Variants in NIPAL4 observed in about 807,000 individuals in gnomAD.
The protein encoded by NIPAL4 is magnesium transporter NIPA4.
In NIPAL4, 21 loss-of-function variants were observed where a neutral mutation model predicts 31.6. The observed-to-expected ratio is 0.67, with a 90% confidence interval of 0.47 to 0.96. The LOEUF (loss-of-function observed/expected upper bound fraction) is 0.96, where lower values mean the gene tolerates loss of function less well. Ranked by LOEUF, NIPAL4 falls within the 40% of genes least tolerant of loss-of-function variation. NIPAL4 has a pLI of 0.00. For missense variants in NIPAL4, 438 were observed against 508.0 expected (o/e 0.86, Z 1.32); for synonymous variants, 175 against 211.1 (o/e 0.83, Z 1.48).
At chr5:157,462,931 G>A (rs553773602) in intron 1 of NIPAL4, among the ~76,000 whole-genome samples, 163 bp from the exon 2 acceptor site, 6 of 152,188 alleles carry the variant, frequency 3.9e-5, no homozygotes, top group Admixed American at 1.3e-4. Flanking sequence ...CCTAACTAGC[G>A]TAAGCACTCA....
intron 4 of NIPAL4, 42 bp from the exon 5 acceptor site, chr5:157,471,614 AG>A: frequency 6.5e-7 from 1 of 1,531,268 alleles, no homozygotes; most frequent in Non-Finnish European, 8.9e-7. Flanking sequence ...ACTCTGGGAC[AG>A]GCATGGCTGC....
At chr5:157,461,262 C>T (rs1754097035) in intron 1 of NIPAL4, among the ~76,000 whole-genome samples, 1 of 152,248 alleles carries the variant, frequency 6.6e-6, no homozygotes, top group Non-Finnish European at 1.5e-5. Flanking sequence ...CTAGCATATT[C>T]TGGAAGAGAT....
chr5:157,470,020 A>G (rs1435524783), intron 4 of NIPAL4, among the ~76,000 whole-genome samples: 2 of 152,172 alleles, frequency 1.3e-5, no homozygotes, highest in African/African-American at 4.8e-5. Context: ...TGAATGGGAC[A>G]TTGCGGCCAA....
intron 2 of NIPAL4, 148 bp from the exon 3 acceptor site, chr5:157,466,901 G>A (rs1754288603): frequency 4.8e-6 from 3 of 629,970 alleles, no homozygotes; most frequent in Non-Finnish European, 8.8e-6. Flanking sequence ...TAAAACTTTA[G>A]GAACAAATGA....
At chr5:157,460,382 A>T in intron 1 of NIPAL4, 25 bp downstream of exon 1, 5 of 1,533,106 alleles carry the variant, frequency 3.3e-6, no homozygotes, top group Non-Finnish European at 4.4e-6. Context: ...GCTGGGGACC[A>T]GGCGGGCTCC....
rs1754282330 is a variant in NIPAL4 at position 157,466,640 on chromosome 5, G to C, written c.278-409G>C. Among the ~76,000 whole-genome samples, 4 of 152,192 alleles carry C rather than the reference G, an allele frequency of 2.6e-5. No individual in the cohort carries two copies. In the South Asian group the frequency reaches 8.3e-4, roughly 32 times the overall value. The stretch of plus-strand genomic sequence containing the variant: ...TCAGGATGGACTGGATGCAGAAGGA[G>C]GGAGAGAAGAGTCAAAGAGCAATTC... On this transcript the variant is annotated intron_variant, in intron 2 of 5. Coordinates refer to ENST00000311946, the MANE Select transcript of NIPAL4 (RefSeq NM_001099287.2).
chr5:157,470,625 G>A (rs190148866), intron 4 of NIPAL4, among the ~76,000 whole-genome samples: 54 of 152,308 alleles, frequency 3.5e-4, no homozygotes, highest in African/African-American at 1.2e-3. Flanking sequence ...CTAAGACATG[G>A]TACCTGTGAT....
At chr5:157,470,796 G>A (rs1357083623) in intron 4 of NIPAL4, among the ~76,000 whole-genome samples, 2 of 152,196 alleles carry the variant, frequency 1.3e-5, no homozygotes, top group African/African-American at 4.8e-5. Context: ...GGCTTGTGAA[G>A]GGGTGGGCTC....
chr5:157,468,115 G>A (rs4704866), intron 3 of NIPAL4: 41,628 of 149,250 alleles, frequency 0.28, 6,455 homozygotes, highest in East Asian at 0.72. Context: ...GGGTTTCTCC[G>A]TGTTGGTCAG....
intron 3 of NIPAL4, 47 bp from the exon 4 acceptor site, chr5:157,468,675 T>A (rs372739195): frequency 9.6e-7 from 1 of 1,040,982 alleles, no homozygotes; most frequent in East Asian, 2.4e-5. Context: ...GGAATGGAGA[T>A]GGTGCTTCTG....
chr5:157,471,634 C>T (rs746365485), intron 4 of NIPAL4, 23 bp from the exon 5 acceptor site: 33 of 1,590,100 alleles, frequency 2.1e-5, no homozygotes, highest in Non-Finnish European at 2.8e-5. Context: ...GCTCTAATCC[C>T]CTTCTCCCAT....
chr5:157,468,901 T>C, intron 4 of NIPAL4, 89 bp downstream of exon 4: 1 of 859,430 alleles, frequency 1.2e-6, no homozygotes, highest in Non-Finnish European at 1.8e-6. Flanking sequence ...GACTGCCACT[T>C]GGCAATCAGG....
intron 2 of NIPAL4, 142 bp downstream of exon 2, chr5:157,463,475 GTTAGGGT>G: frequency 9.5e-7 from 1 of 1,057,324 alleles, no homozygotes; most frequent in Non-Finnish European, 1.3e-6. Context: ...TGCCAACAGG[GTTAGGGT>G]TTAGGGTTAT....
At chr5:157,470,835 A>T (rs1482429334) in intron 4 of NIPAL4, among the ~76,000 whole-genome samples, 1 of 152,244 alleles carries the variant, frequency 6.6e-6, no homozygotes, top group East Asian at 1.9e-4. Context: ...TATAAGCCAA[A>T]GCTGAGAGCC....
At position 157,471,687 on chromosome 5, in the gene NIPAL4, G is replaced by A. The variant is rs1416314854; in HGVS notation, c.456G>A (p.Glu152=). 3.1e-6 allele frequency: 5 copies of A among 1,608,358 alleles called. No individual in the cohort carries two copies. The South Asian group carries it at 3.3e-5, about 11-fold the overall frequency. ...TCCTCTCCTCATATTTCCTGAGGGA[G>A]AGTCTGAACCTGCTGGGGAAGCTGG... ...SAILSSYFLR[E]SLNLLGKLGC... The change falls in exon 5 of 6, where the codon GAG becomes GAA. Residue 152 remains glutamate, a synonymous_variant. Coordinates refer to ENST00000311946, the MANE Select transcript of NIPAL4 (RefSeq NM_001099287.2).
At chr5:157,467,209 GA>G (rs1333730819) in intron 3 of NIPAL4, 104 bp downstream of exon 3, 1 of 818,658 alleles carries the variant, frequency 1.2e-6, no homozygotes, top group African/African-American at 1.7e-5. Flanking sequence ...TGGCAAGTGT[GA>G]ATCTGAGGCC....
chr5:157,462,378 C>T (rs947644253), intron 1 of NIPAL4, among the ~76,000 whole-genome samples: 1 of 152,176 alleles, frequency 6.6e-6, no homozygotes, highest in African/African-American at 2.4e-5. Context: ...TAGGGCCAGG[C>T]ACGGTGGCTC....
Position 157,472,135 on chromosome 5 carries a change from A to T in NIPAL4, c.587-197A>T, listed in dbSNP as rs1754457502. Among the ~76,000 whole-genome samples the T allele has an allele frequency of 2.0e-5, 3 of 152,122 alleles. No individual in the cohort carries two copies. The South Asian group carries it at 6.2e-4, about 32-fold the overall frequency. ...ATCCTATTGTTGGTCCTCTTTTACA[A>T]ATGGGGAAACTGAGTTTTTGGGGGT... On this transcript the variant is annotated intron_variant, in intron 5 of 5. Transcript: ENST00000311946.
intron 2 of NIPAL4, 112 bp from the exon 3 acceptor site, chr5:157,466,937 C>G (rs2113663709): frequency 3.9e-6 from 3 of 773,384 alleles, no homozygotes; most frequent in Non-Finnish European, 6.8e-6. Flanking sequence ...GGCCCAGAAC[C>G]AAGCCTCAAG....
Sources: gnomAD v4.1 joint callset for allele counts (sites outside exome capture counted in the v4.1 genomes callset) on GRCh38, gnomAD v4.1.1 for gene constraint, MANE v1.5 for transcripts, NCBI Gene and HGNC (gene_info 2026-07-23, HGNC 2026-07-21) for gene names.